DNAJB6: variants seen among roughly 807,000 people sequenced by gnomAD.
The protein encoded by DNAJB6 is dnaJ homolog subfamily B member 6.
A neutral mutation model predicts 42.7 loss-of-function variants in DNAJB6; 16 were observed. The observed-to-expected ratio is 0.37, with a 90% CI of 0.25 to 0.57. The LOEUF (loss-of-function observed/expected upper bound fraction) is 0.57, where lower values mean the gene tolerates loss of function less well. DNAJB6 is among the 20% of genes least tolerant of loss of function. The pLI is 0.74. For missense variants in DNAJB6, 347 were observed against 416.8 expected (o/e 0.83, Z 1.46); for synonymous variants, 170 against 163.5 (o/e 1.04, Z -0.30).
chr7:157,351,757 A>C (rs554449284), intron 1 of DNAJB6, among the ~76,000 whole-genome samples: 1 of 152,294 alleles, frequency 6.6e-6, no homozygotes, highest in South Asian at 2.1e-4. Context: ...TGAGGTCAGG[A>C]GTTTGAAACC....
intron 6 of DNAJB6, among the ~76,000 whole-genome samples, chr7:157,384,041 A>C (rs1800925308): frequency 6.6e-6 from 1 of 152,232 alleles, no homozygotes; most frequent in Non-Finnish European, 1.5e-5. Context: ...ATCTGCGCTT[A>C]GATGATTGAA....
intron 9 of DNAJB6, chr7:157,410,367 G>A: frequency 2.4e-6 from 1 of 414,814 alleles, no homozygotes; most frequent in Non-Finnish European, 4.2e-6. Flanking sequence ...GTGGTCTCGT[G>A]CTGGTGGGGT....
chr7:157,366,709 G>C (rs1454094214), intron 4 of DNAJB6, 148 bp downstream of exon 4: 1 of 681,764 alleles, frequency 1.5e-6, no homozygotes, highest in Non-Finnish European at 2.5e-6. Context: ...AGAGGACAGA[G>C]AAATTGATGG....
At chr7:157,340,856 A>T (rs1156896082) in intron 1 of DNAJB6, among the ~76,000 whole-genome samples, 1 of 152,002 alleles carries the variant, frequency 6.6e-6, no homozygotes, top group Non-Finnish European at 1.5e-5. Context: ...TTTAGTAGAG[A>T]CGGTTTCACC....
At chr7:157,351,295 A>T (rs1192317740) in intron 1 of DNAJB6, among the ~76,000 whole-genome samples, 1 of 152,096 alleles carries the variant, frequency 6.6e-6, no homozygotes, top group Non-Finnish European at 1.5e-5. Context: ...ACTAAGCCTG[A>T]CTGTCTCCCA....
intron 1 of DNAJB6, among the ~76,000 whole-genome samples, chr7:157,352,107 G>A (rs1313300269): frequency 2.6e-5 from 4 of 151,530 alleles, no homozygotes; most frequent in Non-Finnish European, 4.4e-5. Flanking sequence ...TGAGGTGAGC[G>A]GATAACGAGG....
intron 5 of DNAJB6, among the ~76,000 whole-genome samples, chr7:157,369,827 G>T (rs1800060032): frequency 6.7e-6 from 1 of 150,056 alleles, no homozygotes. Flanking sequence ...TTATTAAACA[G>T]GCCTTTCATA....
At chr7:157,367,301 T>A in intron 4 of DNAJB6, 72 bp from the exon 5 acceptor site, 1 of 1,002,600 alleles carries the variant, frequency 1.0e-6, no homozygotes, top group East Asian at 2.4e-5. Context: ...GTATAATGTT[T>A]TGTCAACAAA....
intron 1 of DNAJB6, among the ~76,000 whole-genome samples, chr7:157,345,890 A>C (rs1798659276): frequency 6.6e-6 from 1 of 152,032 alleles, no homozygotes; most frequent in South Asian, 2.1e-4. Flanking sequence ...TTAGTATATT[A>C]TTTTAAAATG....
At chr7:157,364,767 C>T (rs971189242) in intron 3 of DNAJB6, among the ~76,000 whole-genome samples, 4 of 152,152 alleles carry the variant, frequency 2.6e-5, no homozygotes, top group Non-Finnish European at 4.4e-5. Context: ...ACTGAAAAGT[C>T]GCTTGGTTCT....
At chr7:157,384,381 C>G (rs550156653) in intron 6 of DNAJB6, among the ~76,000 whole-genome samples, 5 of 152,300 alleles carry the variant, frequency 3.3e-5, no homozygotes, top group African/African-American at 1.2e-4. Context: ...GTGGTGAGGT[C>G]ACTCTGTTCC....
intron 5 of DNAJB6, among the ~76,000 whole-genome samples, chr7:157,373,003 C>G (rs1800293253): frequency 6.6e-6 from 1 of 152,206 alleles, no homozygotes; most frequent in African/African-American, 2.4e-5. Context: ...CCGCTAGGCT[C>G]AAGCAGTCTT....
chr7:157,340,814 G>A lies in DNAJB6; in HGVS notation c.-27+3670G>A, dbSNP rs891121807. Among the ~76,000 whole-genome samples, 6 of 151,922 alleles carry A rather than the reference G, an allele frequency of 3.9e-5. No homozygotes were observed. The East Asian group carries it at 5.8e-4, about 15-fold the overall frequency. ...CTGCCAGGTAGCTGGGATGACAGGC[G>A]CGTGTCACCACGCCTGGCTAATTTT... On this transcript the variant is annotated intron_variant, in intron 1 of 9. Transcript: ENST00000262177.
At chr7:157,415,607 C>T (rs555036383) in intron 9 of DNAJB6, 19 of 202,038 alleles carry the variant, frequency 9.4e-5, no homozygotes, top group Middle Eastern at 2.0e-3. Flanking sequence ...GAGGTGCAGC[C>T]GTGTCCAGGG....
intron 8 of DNAJB6, among the ~76,000 whole-genome samples, chr7:157,398,290 A>G (rs1801691977): frequency 1.3e-5 from 2 of 152,230 alleles, no homozygotes; most frequent in East Asian, 1.9e-4. Context: ...TGGGCCAGGC[A>G]TGCATTTTTG....
intron 2 of DNAJB6, 114 bp downstream of exon 2, chr7:157,358,751 TTGAA>T: frequency 1.3e-6 from 1 of 784,654 alleles, no homozygotes; most frequent in Non-Finnish European, 2.2e-6. Flanking sequence ...ATACCAGTCT[TTGAA>T]TGCCACATAG....
At chr7:157,373,795 C>T (rs557512771) in intron 5 of DNAJB6, among the ~76,000 whole-genome samples, 1 of 152,112 alleles carries the variant, frequency 6.6e-6, no homozygotes, top group Non-Finnish European at 1.5e-5. Flanking sequence ...AATGAGTGTT[C>T]TTTGATTACT....
intron 1 of DNAJB6, among the ~76,000 whole-genome samples, chr7:157,344,001 A>G (rs1798554343): frequency 1.3e-5 from 2 of 152,200 alleles, no homozygotes; most frequent in South Asian, 4.1e-4. Context: ...AATAGACAGT[A>G]GGACCTAGTT....
chr7:157,338,139 T>TA (rs1419492260), intron 1 of DNAJB6, among the ~76,000 whole-genome samples: 2 of 152,194 alleles, frequency 1.3e-5, no homozygotes, highest in Non-Finnish European at 2.9e-5. Context: ...GTAGAAAAGT[T>TA]AGAGTGAAGA....
Sources: gnomAD v4.1 joint callset for allele counts (sites outside exome capture counted in the v4.1 genomes callset) on GRCh38, gnomAD v4.1.1 for gene constraint, MANE v1.5 for transcripts, NCBI Gene and HGNC (gene_info 2026-07-23, HGNC 2026-07-21) for gene names.